Variants in KIAA1328 observed in about 807,000 individuals in gnomAD.
KIAA1328 encodes protein hinderin.
Under a neutral mutation model 68.1 loss-of-function variants are expected in KIAA1328, and 52 were observed. The ratio of observed to expected loss-of-function variants is 0.76; its 90% CI spans 0.61 to 0.96. The LOEUF (loss-of-function observed/expected upper bound fraction) is 0.96. Among genes scored for constraint, KIAA1328 ranks in the 40% least tolerant of loss-of-function variants. The pLI is 0.00. For synonymous variants in KIAA1328, 232 were observed against 239.4 expected, an observed-to-expected ratio of 0.97 and a Z score of 0.28; for missense variants, 641 against 677.6, an observed-to-expected ratio of 0.95 and a Z score of 0.60.
intron 7 of KIAA1328, among the ~76,000 whole-genome samples, chr18:37,147,837 T>C (rs2058937647): frequency 6.6e-6 from 1 of 152,182 alleles, no homozygotes; most frequent in African/African-American, 2.4e-5. Flanking sequence ...GATAGGTATA[T>C]GTTCTAAGAA....
At chr18:36,895,643 G>A (rs957167976) in intron 5 of KIAA1328, 2 of 401,758 alleles carry the variant, frequency 5.0e-6, no homozygotes, top group Non-Finnish European at 1.0e-5. Flanking sequence ...GCTTAGCAAG[G>A]TTCGTTTGCT....
chr18:37,224,892 C>T lies in KIAA1328; in HGVS notation c.*2665C>T, dbSNP rs976623910. On this transcript the variant is annotated 3_prime_UTR_variant, in exon 10 of 10. Coordinates refer to ENST00000280020, the MANE Select transcript of KIAA1328 (RefSeq NM_020776.3). ...CAAAATGGAAAAGGACACAGCATGT[C>T]CTTTGAACTCCCTAAGTAAGGCCCA... 1.0e-6 allele frequency: 1 copy of T among 985,420 alleles called. No homozygotes were observed. Among genetic ancestry groups the T allele is most frequent in the African/African-American group, 1.7e-5 (1 of 57,350 alleles). The allele number at this position is 985,420 out of a possible 1,614,324, so 61.0% of individuals were successfully genotyped here. A position where few individuals can be genotyped will look rare whatever the true frequency, so the allele number is the denominator to read the frequency against.
At chr18:36,897,352 G>A (rs1231496088) in intron 5 of KIAA1328, among the ~76,000 whole-genome samples, 1 of 152,066 alleles carries the variant, frequency 6.6e-6, no homozygotes, top group African/African-American at 2.4e-5. Flanking sequence ...TAAAGATAAT[G>A]CTGGGTTTCA....
intron 9 of KIAA1328, among the ~76,000 whole-genome samples, chr18:37,182,216 A>T (rs989609662): frequency 6.6e-6 from 1 of 152,180 alleles, no homozygotes; most frequent in African/African-American, 2.4e-5. Flanking sequence ...CAACTTTAAG[A>T]AATATTTTTA....
intron 9 of KIAA1328, chr18:37,193,755 T>A (rs1480646232): frequency 3.3e-6 from 2 of 612,012 alleles, no homozygotes; most frequent in Non-Finnish European, 5.8e-6. Context: ...TGAATTGTTT[T>A]GAAAATTTTT....
chr18:36,928,120 AT>A (rs972831243), intron 5 of KIAA1328, among the ~76,000 whole-genome samples: 2 of 151,892 alleles, frequency 1.3e-5, no homozygotes, highest in Admixed American at 6.6e-5. Context: ...TGTTTTTTTT[AT>A]TTTTTTTATA....
intron 5 of KIAA1328, among the ~76,000 whole-genome samples, chr18:36,922,448 G>T (rs1034045796): frequency 6.6e-6 from 1 of 152,036 alleles, no homozygotes; most frequent in South Asian, 2.1e-4. Context: ...TTTATATTTG[G>T]GTATTCCCAC....
At chr18:37,074,981 A>G (rs535747152) in intron 7 of KIAA1328, 1 of 152,130 alleles carries the variant, frequency 6.6e-6, no homozygotes, top group Non-Finnish European at 1.5e-5. Context: ...AATACAGAGA[A>G]CGCCACAAAG....
intron 7 of KIAA1328, among the ~76,000 whole-genome samples, chr18:37,113,921 C>T (rs2058022724): frequency 6.6e-6 from 1 of 152,156 alleles, no homozygotes; most frequent in South Asian, 2.1e-4. Context: ...AAGGCCATTA[C>T]ATAATGGTAA....
intron 4 of KIAA1328, among the ~76,000 whole-genome samples, chr18:36,859,842 A>AT (rs369584244): frequency 8.6e-4 from 107 of 124,848 alleles, no homozygotes; most frequent in East Asian, 1.9e-3. Context: ...TTTACTGTCC[A>AT]TTTTTTTTTT....
At chr18:37,105,271 G>A (rs1274667748) in intron 7 of KIAA1328, among the ~76,000 whole-genome samples, 2 of 152,090 alleles carry the variant, frequency 1.3e-5, no homozygotes, top group Admixed American at 1.3e-4. Flanking sequence ...GAGAGGCCAA[G>A]CCATGAGGAT....
intron 6 of KIAA1328, among the ~76,000 whole-genome samples, chr18:37,033,363 G>A (rs2054906803): frequency 6.6e-6 from 1 of 152,064 alleles, no homozygotes; most frequent in Non-Finnish European, 1.5e-5. Flanking sequence ...TGATTTTATT[G>A]TCTTCCTTTA....
At chr18:36,932,958 CG>C (rs1568180482) in intron 5 of KIAA1328, among the ~76,000 whole-genome samples, 2 of 152,102 alleles carry the variant, frequency 1.3e-5, no homozygotes, top group African/African-American at 4.8e-5. Flanking sequence ...AAAAGGATGA[CG>C]TTTTTTGAAA....
intron 8 of KIAA1328, among the ~76,000 whole-genome samples, chr18:37,171,472 C>T (rs1191468480): frequency 6.6e-6 from 1 of 152,146 alleles, no homozygotes; most frequent in African/African-American, 2.4e-5. Context: ...GGCCTCCCAA[C>T]GTGCTCAGAT....
intron 7 of KIAA1328, among the ~76,000 whole-genome samples, chr18:37,079,685 T>C (rs1438375674): frequency 6.6e-6 from 1 of 151,684 alleles, no homozygotes; most frequent in Admixed American, 6.6e-5. Flanking sequence ...ATCAGGAGTT[T>C]GAGACCAGCC....
intron 4 of KIAA1328, among the ~76,000 whole-genome samples, chr18:36,877,910 A>T (rs1287219716): frequency 6.6e-6 from 1 of 151,412 alleles, no homozygotes; most frequent in Non-Finnish European, 1.5e-5. Flanking sequence ...CTTGCGATCC[A>T]CCCACCTCGG....
chr18:36,982,601 A>G (rs1045370475), intron 6 of KIAA1328, among the ~76,000 whole-genome samples: 2 of 152,076 alleles, frequency 1.3e-5, no homozygotes, highest in Non-Finnish European at 2.9e-5. Context: ...GCAGAAAAAC[A>G]TAATTACCAG....
At chr18:37,170,784 T>C (rs1362722090) in intron 8 of KIAA1328, among the ~76,000 whole-genome samples, 1 of 152,188 alleles carries the variant, frequency 6.6e-6, no homozygotes, top group African/African-American at 2.4e-5. Context: ...TCACATAGGC[T>C]CTTTATGGCT....
chr18:37,088,077 C>G (rs528915903), intron 7 of KIAA1328, among the ~76,000 whole-genome samples: 4 of 152,136 alleles, frequency 2.6e-5, no homozygotes, highest in Non-Finnish European at 4.4e-5. Flanking sequence ...AGTCTCTGAG[C>G]CTTTGAGGAG....
Sources: gnomAD v4.1 joint callset for allele counts (sites outside exome capture counted in the v4.1 genomes callset) on GRCh38, gnomAD v4.1.1 for gene constraint, MANE v1.5 for transcripts, NCBI Gene and HGNC (gene_info 2026-07-23, HGNC 2026-07-21) for gene names.